STK39: variants seen among roughly 807,000 people sequenced by gnomAD.
STK39 encodes STE20/SPS1-related proline-alanine-rich protein kinase.
STK39 carries 20 observed loss-of-function variants against 77.8 expected under a neutral mutation model. That is an observed-to-expected ratio of 0.26 (90% confidence interval 0.18 to 0.37). STK39 has a LOEUF of 0.37. STK39 is among the 10% of genes least tolerant of loss of function. The pLI is 1.00. For synonymous variants in STK39, 246 were observed against 234.1 expected (o/e 1.05, Z -0.47); for missense variants, 479 against 656.5 (o/e 0.73, Z 2.95).
intron 14 of STK39, among the ~76,000 whole-genome samples, chr2:168,024,748 T>C (rs1684654477): frequency 1.3e-5 from 2 of 152,194 alleles, no homozygotes; most frequent in South Asian, 4.1e-4. Flanking sequence ...TGCTTGATGT[T>C]TTACATATGT....
intron 14 of STK39, among the ~76,000 whole-genome samples, chr2:168,020,879 A>C (rs1056401833): frequency 6.6e-6 from 1 of 152,164 alleles, no homozygotes; most frequent in African/African-American, 2.4e-5. Context: ...AACTTTTAAG[A>C]GAAAGCAATG....
intron 14 of STK39, among the ~76,000 whole-genome samples, chr2:168,025,536 T>C (rs147060115): frequency 6.6e-6 from 1 of 152,288 alleles, no homozygotes; most frequent in East Asian, 1.9e-4. Context: ...TAAAGAGTAT[T>C]TCACATGCAC....
Position 168,140,310 on chromosome 2 carries a change from A to G in STK39, c.819T>C (p.Tyr273=). The G allele has an allele frequency of 6.2e-7, 1 of 1,613,990 alleles. No individual in the cohort carries two copies. The highest frequency in any genetic ancestry group is 8.5e-7 in the Non-Finnish European group (1 of 1,179,862). The change falls in exon 7 of 18, where the codon TAT becomes TAC. Residue 273 remains tyrosine, a synonymous_variant. Coordinates refer to ENST00000355999, the MANE Select transcript of STK39 (RefSeq NM_013233.3). ...TTACTTTCATGGGAGGATATTTGTGATAAGGCGCTGCTCCTGTTGCTAATT... is the reference window on the plus strand; with the variant it reads ...TTACTTTCATGGGAGGATATTTGTGGTAAGGCGCTGCTCCTGTTGCTAATT... The part of the protein sequence containing the change: ...AIELATGAAP[Y]HKYPPMKVLM...
intron 1 of STK39, among the ~76,000 whole-genome samples, chr2:168,213,997 A>T (rs552180651): frequency 6.6e-6 from 1 of 152,306 alleles, no homozygotes; most frequent in South Asian, 2.1e-4. Flanking sequence ...TAAACAGTAT[A>T]ATGTTGTGTG....
At chr2:167,956,720 TC>T (rs1559032401) in intron 17 of STK39, among the ~76,000 whole-genome samples, 690 of 61,316 alleles carry the variant, frequency 0.011, 46 homozygotes, top group Admixed American at 0.062. Context: ...TCTCTCTCTC[TC>T]TCTCTCTCCC....
intron 5 of STK39, among the ~76,000 whole-genome samples, chr2:168,152,916 A>C (rs10170391): frequency 0.42 from 63,539 of 152,050 alleles, 14,932 homozygotes; most frequent in East Asian, 0.67. Flanking sequence ...CTCAACCAGC[A>C]CTACTATCAG....
intron 2 of STK39, among the ~76,000 whole-genome samples, chr2:168,168,941 C>T (rs1688756843): frequency 6.6e-6 from 1 of 152,030 alleles, no homozygotes; most frequent in South Asian, 2.1e-4. Flanking sequence ...TGAGATCGTG[C>T]CACTGGACTC....
chr2:168,232,804 C>T (rs570043547), intron 1 of STK39, among the ~76,000 whole-genome samples: 17 of 152,024 alleles, frequency 1.1e-4, no homozygotes, highest in African/African-American at 4.1e-4. Context: ...CCCAGCTACT[C>T]AGGAGGCTGA....
intron 9 of STK39, 44 bp from the exon 10 acceptor site, chr2:168,129,650 C>T (rs201535360): frequency 4.9e-5 from 79 of 1,613,720 alleles, no homozygotes; most frequent in Non-Finnish European, 6.7e-5. Context: ...AAATATGATA[C>T]ACATAAATAC....
intron 16 of STK39, among the ~76,000 whole-genome samples, chr2:167,968,963 A>G (rs1692241214): frequency 6.6e-6 from 1 of 152,188 alleles, no homozygotes; most frequent in African/African-American, 2.4e-5. Flanking sequence ...AGCACAGTGT[A>G]TAAGAACCTG....
chr2:168,065,901 G>A (rs1685780761), intron 12 of STK39, among the ~76,000 whole-genome samples: 1 of 152,070 alleles, frequency 6.6e-6, no homozygotes, highest in African/African-American at 2.4e-5. Flanking sequence ...ATGCTAAAGT[G>A]ATAGGTTATA....
At position 167,969,429 on chromosome 2, in the gene STK39, C is replaced by T. The variant is rs573685979; in HGVS notation, c.1499-4703G>A. Among the ~76,000 whole-genome samples, 11 of 152,298 alleles carry T rather than the reference C, an allele frequency of 7.2e-5. No individual in the cohort carries two copies. The South Asian group carries it at 1.2e-3, about 17-fold the overall frequency. On this transcript the variant is annotated intron_variant, in intron 16 of 17. Transcript: ENST00000355999. ...AGTGAGACCCTCCATGGTCTGGCCT[C>T]GGCCAACCGCTCCAGCTTATCTTTT...
chr2:167,970,160 C>T (rs896361290), intron 16 of STK39, among the ~76,000 whole-genome samples: 2 of 152,184 alleles, frequency 1.3e-5, no homozygotes, highest in African/African-American at 2.4e-5. Flanking sequence ...CCCACCATCC[C>T]GTCACTCTCT....
intron 14 of STK39, among the ~76,000 whole-genome samples, chr2:168,047,479 T>C (rs1403956927): frequency 2.6e-5 from 4 of 152,228 alleles, no homozygotes; most frequent in Non-Finnish European, 4.4e-5. Flanking sequence ...GCTTTTTGAC[T>C]GAGCTGACCT....
rs1689848352 is a variant in STK39, at chr2:168,210,030, A to AAGGAAGG, written c.209-27941_209-27940insCCTTCCT. The stretch of plus-strand genomic sequence containing the variant: ...AAAAAAAATAGGAAAGAAAGGAAAG[A>AAGGAAGG]AAGGAAGGAAGGAAGGAAGGAAGGA... On this transcript the variant is annotated intron_variant, in intron 1 of 17. Transcript: ENST00000355999. Among the ~76,000 whole-genome samples, 653 of 110,100 alleles carry AAGGAAGG rather than the reference A, an allele frequency of 5.9e-3. 8 individuals carry two copies. Among genetic ancestry groups the AAGGAAGG allele is most frequent in the East Asian group, 0.015 (48 of 3,196 alleles). The allele number at this position is 110,100 out of a possible 152,430, so 72.2% of individuals were successfully genotyped here.
chr2:168,232,293 A>G (rs1690477927), intron 1 of STK39: 1 of 155,082 alleles, frequency 6.4e-6, no homozygotes, highest in Non-Finnish European at 1.4e-5. Context: ...CCCCTGAAGG[A>G]AAGAACACTT....
intron 4 of STK39, 48 bp from the exon 5 acceptor site, chr2:168,161,890 A>T: frequency 2.1e-6 from 3 of 1,408,460 alleles, no homozygotes; most frequent in Non-Finnish European, 2.0e-6. Flanking sequence ...CAGACTTTAT[A>T]GTGTATTGAT....
intron 16 of STK39, among the ~76,000 whole-genome samples, chr2:167,979,664 C>G (rs1683366071): frequency 6.6e-6 from 1 of 152,192 alleles, no homozygotes; most frequent in Non-Finnish European, 1.5e-5. Context: ...ATGAATAAAA[C>G]ATACATAGAG....
At chr2:168,097,390 C>A (rs1316195921) in intron 10 of STK39, among the ~76,000 whole-genome samples, 1 of 152,224 alleles carries the variant, frequency 6.6e-6, no homozygotes, top group Non-Finnish European at 1.5e-5. Flanking sequence ...GAATCCCCAG[C>A]ACCTGGCTCA....
Sources: gnomAD v4.1 joint callset for allele counts (sites outside exome capture counted in the v4.1 genomes callset) on GRCh38, gnomAD v4.1.1 for gene constraint, MANE v1.5 for transcripts, NCBI Gene and HGNC (gene_info 2026-07-23, HGNC 2026-07-21) for gene names.